CBLN2: variants seen among roughly 807,000 people sequenced by gnomAD.
The protein encoded by CBLN2 is cerebellin 2 precursor.
Under a neutral mutation model 15.0 loss-of-function variants are expected in CBLN2, and 7 were observed. The ratio of observed to expected loss-of-function variants is 0.47; its 90% CI spans 0.27 to 0.88. The LOEUF (loss-of-function observed/expected upper bound fraction) is 0.88, where lower values mean the gene tolerates loss of function less well. Among genes scored for constraint, CBLN2 ranks in the 40% least tolerant of loss-of-function variants. CBLN2 has a pLI of 0.14. For missense variants in CBLN2, 242 were observed against 304.5 expected, an observed-to-expected ratio of 0.79 and a Z score of 1.53; for synonymous variants, 149 against 135.2, an observed-to-expected ratio of 1.10 and a Z score of -0.71.
At chr18:72,596,095 G>T (rs902200648) in intron 1 of CBLN2, among the ~76,000 whole-genome samples, 4 of 151,902 alleles carry the variant, frequency 2.6e-5, no homozygotes, top group African/African-American at 7.3e-5. Context: ...TTGTTTTGTG[G>T]TCTTCTCTTC....
chr18:72,580,709 A>G (rs560483020), intron 1 of CBLN2, among the ~76,000 whole-genome samples: 1 of 152,342 alleles, frequency 6.6e-6, no homozygotes, highest in South Asian at 2.1e-4. Flanking sequence ...TTGTGTAAAT[A>G]TACCACATTC....
chr18:72,578,665 A>T (rs539519410), intron 1 of CBLN2, among the ~76,000 whole-genome samples: 2 of 152,244 alleles, frequency 1.3e-5, no homozygotes, highest in African/African-American at 4.8e-5. Flanking sequence ...CAAGCTATTG[A>T]AGTCTTATTA....
upstream of CBLN2, among the ~76,000 whole-genome samples, chr18:72,548,257 G>A (rs1313129820): frequency 1.3e-5 from 2 of 152,214 alleles, no homozygotes; most frequent in African/African-American, 4.8e-5. Flanking sequence ...GATTACAGAT[G>A]TGACTGTTAA....
chr18:72,582,008 C>T (rs1568123447), intron 1 of CBLN2, among the ~76,000 whole-genome samples: 1 of 152,150 alleles, frequency 6.6e-6, no homozygotes, highest in Non-Finnish European at 1.5e-5. Flanking sequence ...AAAGGACTGC[C>T]TTTCCTCCAC....
intron 1 of CBLN2, among the ~76,000 whole-genome samples, chr18:72,623,102 G>C (rs2069712297): frequency 6.6e-6 from 1 of 152,118 alleles, no homozygotes; most frequent in Admixed American, 6.5e-5. Context: ...AGAGCGAAGG[G>C]GGAGGTGCTA....
intron 1 of CBLN2, among the ~76,000 whole-genome samples, chr18:72,621,062 G>A (rs1037625239): frequency 2.0e-5 from 3 of 152,112 alleles, no homozygotes; most frequent in Non-Finnish European, 4.4e-5. Context: ...ATGCTGGATT[G>A]GAATTACATG....
chr18:72,573,333 T>G (rs1239583089), intron 1 of CBLN2, among the ~76,000 whole-genome samples: 1 of 152,210 alleles, frequency 6.6e-6, no homozygotes, highest in Non-Finnish European at 1.5e-5. Context: ...CATTTAAATC[T>G]GACATCCAAT....
chr18:72,540,942 A>G (rs1466507618), intron 3 of CBLN2, among the ~76,000 whole-genome samples: 1 of 152,214 alleles, frequency 6.6e-6, no homozygotes, highest in Non-Finnish European at 1.5e-5. Flanking sequence ...GGAAACCTCT[A>G]TAATGTTTTT....
chr18:72,612,946 G>A (rs1049792990), intron 1 of CBLN2, among the ~76,000 whole-genome samples: 1 of 152,296 alleles, frequency 6.6e-6, no homozygotes, highest in African/African-American at 2.4e-5. Context: ...AGTAGGGTTG[G>A]TTCTTCCCAA....
Position 72,629,129 on chromosome 18 carries a change from T to A in CBLN2, c.15+9196A>T, listed in dbSNP as rs1003407508. Among the ~76,000 whole-genome samples the A allele has an allele frequency of 1.8e-4, 27 of 152,306 alleles. 1 individual carries two copies. The highest frequency in any genetic ancestry group is 6.5e-4 in the African/African-American group (27 of 41,568). The stretch of plus-strand genomic sequence containing the variant: ...AAGCGAGGACTTCCCAACCATCTGC[T>A]ATATTTACAGGTAGAAATTTAAAGA... On this transcript the variant is annotated intron_variant, in intron 1 of 2. Coordinates refer to the CBLN2 transcript ENST00000581073.
intron 3 of CBLN2, among the ~76,000 whole-genome samples, chr18:72,541,162 T>G (rs984528565): frequency 2.6e-5 from 4 of 152,214 alleles, no homozygotes; most frequent in Non-Finnish European, 4.4e-5. Context: ...ACCAACACAC[T>G]GTTCATGTAT....
At chr18:72,606,951 T>C (rs115961934) in intron 1 of CBLN2, among the ~76,000 whole-genome samples, 325 of 152,350 alleles carry the variant, frequency 2.1e-3, no homozygotes, top group African/African-American at 7.5e-3. Flanking sequence ...TCCCTGTAAA[T>C]TCAAATGTTG....
chr18:72,538,382 C>T lies in CBLN2; in HGVS notation c.478-9G>A. 1 of 1,614,000 alleles carries T rather than the reference C, an allele frequency of 6.2e-7. No homozygotes were observed. The highest frequency in any genetic ancestry group is 2.2e-5 in the East Asian group (1 of 44,866). On this transcript the variant is annotated splice_polypyrimidine_tract_variant and intron_variant, in intron 4 of 4. Transcript: ENST00000269503. ...TTCTGCATTAAACTGACCTAAAATG[C>T]AGAGAGTAGAGCTCAGCAGACCATA...
intron 1 of CBLN2, among the ~76,000 whole-genome samples, chr18:72,595,763 T>A (rs1345028545): frequency 6.6e-6 from 1 of 152,164 alleles, no homozygotes; most frequent in Non-Finnish European, 1.5e-5. Context: ...GCTCCTTTAT[T>A]GTTACATAAT....
intron 1 of CBLN2, among the ~76,000 whole-genome samples, chr18:72,555,156 C>CAGAG (rs368924554): frequency 6.7e-6 from 1 of 148,460 alleles, no homozygotes; most frequent in Non-Finnish European, 1.5e-5. Flanking sequence ...AAGAAAAACA[C>CAGAG]AGAGAGAGAG....
At chr18:72,566,475 A>G (rs1005618989) in intron 1 of CBLN2, among the ~76,000 whole-genome samples, 1 of 152,234 alleles carries the variant, frequency 6.6e-6, no homozygotes, top group African/African-American at 2.4e-5. Context: ...AAATTCAGCC[A>G]TAAACAGGAT....
chr18:72,633,058 A>T (rs1054175408), intron 1 of CBLN2, among the ~76,000 whole-genome samples: 1 of 152,212 alleles, frequency 6.6e-6, no homozygotes, highest in Admixed American at 6.5e-5. Context: ...CGATTGTTTC[A>T]TTACCTAATT....
At chr18:72,570,374 A>T (rs1482912179) in intron 1 of CBLN2, among the ~76,000 whole-genome samples, 2 of 149,120 alleles carry the variant, frequency 1.3e-5, no homozygotes, top group African/African-American at 5.0e-5. Flanking sequence ...GGTAGCTGGA[A>T]CTACAGGCGT....
At chr18:72,583,274 G>A (rs950830468) in intron 1 of CBLN2, among the ~76,000 whole-genome samples, 1 of 152,170 alleles carries the variant, frequency 6.6e-6, no homozygotes, top group East Asian at 1.9e-4. Context: ...GGGAAGAAGC[G>A]CAGCTGTCTG....
Sources: gnomAD v4.1 joint callset for allele counts (sites outside exome capture counted in the v4.1 genomes callset) on GRCh38, gnomAD v4.1.1 for gene constraint, MANE v1.5 for transcripts, NCBI Gene and HGNC (gene_info 2026-07-23, HGNC 2026-07-21) for gene names.